Variants in RANGAP1 observed in about 807,000 individuals in gnomAD.
RANGAP1 encodes the protein ran GTPase-activating protein 1.
In RANGAP1, 38 loss-of-function variants were observed where a neutral mutation model predicts 63.5. The ratio of observed to expected loss-of-function variants is 0.60; its 90% CI spans 0.46 to 0.78. The LOEUF (loss-of-function observed/expected upper bound fraction) is 0.78. Among genes scored for constraint, RANGAP1 ranks in the 30% least tolerant of loss-of-function variants. The pLI is 0.00. For synonymous variants in RANGAP1, 329 were observed against 310.5 expected (o/e 1.06, Z -0.63); for missense variants, 630 against 740.3 (o/e 0.85, Z 1.73).
At chr22:41,255,905 G>T in intron 10 of RANGAP1, 116 bp downstream of exon 10, 5 of 1,057,110 alleles carry the variant, frequency 4.7e-6, no homozygotes, top group Non-Finnish European at 6.9e-6. Context: ...AGTGAGCCGA[G>T]ATCACGCCAC....
In RANGAP1 at chr22:41,264,804, G is replaced by C; in HGVS notation, c.340C>G (p.Leu114Val). 1 of 1,613,452 alleles carries C rather than the reference G, an allele frequency of 6.2e-7. No individual in the cohort carries two copies. Among genetic ancestry groups the C allele is most frequent in the Non-Finnish European group, 8.5e-7 (1 of 1,179,386 alleles). ...GEGLITAGAQ[L>V]VELDLSDNAF... is the part of the protein sequence containing the mutation. ...TTGTCGCTTAAGTCCAGCTCCACCA[G>C]CTGAGCCCCAGCTGTGATGAGTCCT... Residue 114 changes from leucine (L) to valine (V), a missense_variant, in exon 5 of 16, where the codon CTG (leucine) becomes GTG (valine). Coordinates refer to ENST00000356244, the MANE Select transcript of RANGAP1 (RefSeq NM_002883.4).
At chr22:41,256,317 C>T in intron 8 of RANGAP1, 27 bp from the exon 9 acceptor site, 1 of 1,607,120 alleles carries the variant, frequency 6.2e-7, no homozygotes, top group South Asian at 1.1e-5. Context: ...GGGTTGGAGG[C>T]AGGCAGAAAC....
At chr22:41,258,281 G>C (rs888025989) in intron 6 of RANGAP1, among the ~76,000 whole-genome samples, 175 bp from the exon 7 acceptor site, 5 of 152,266 alleles carry the variant, frequency 3.3e-5, no homozygotes, top group Non-Finnish European at 7.3e-5. Context: ...AACCTCCTGA[G>C]GGAGGCCTAC....
intron 6 of RANGAP1, among the ~76,000 whole-genome samples, chr22:41,260,177 C>T (rs904347823): frequency 2.0e-5 from 3 of 152,150 alleles, no homozygotes; most frequent in Non-Finnish European, 4.4e-5. Context: ...TTTTCCTCAT[C>T]CATGTTCACA....
chr22:41,263,959 G>A (rs909489167), intron 5 of RANGAP1, among the ~76,000 whole-genome samples: 4 of 152,272 alleles, frequency 2.6e-5, no homozygotes, highest in African/African-American at 4.8e-5. Context: ...ACCTTTCAGT[G>A]TGGGTGGGAA....
intron 15 of RANGAP1, among the ~76,000 whole-genome samples, chr22:41,248,638 A>C (rs1341361520): frequency 2.0e-5 from 3 of 152,220 alleles, no homozygotes; most frequent in African/African-American, 7.2e-5. Flanking sequence ...CCGGTTGGAC[A>C]AATGGGGAGA....
the RANGAP1 span, among the ~76,000 whole-genome samples, chr22:41,294,881 G>T: frequency 7.7e-4 from 13 of 16,778 alleles, no homozygotes; most frequent in African/African-American, 3.7e-3. Context: ...GGAGGGAGGT[G>T]GGGGGGTGAG....
At chr22:41,283,669 T>C (rs575851447) in intron 1 of RANGAP1, among the ~76,000 whole-genome samples, 2 of 152,170 alleles carry the variant, frequency 1.3e-5, no homozygotes, top group African/African-American at 4.8e-5. Context: ...ATGGCTCTTG[T>C]AGGGGCAGAG....
intron 13 of RANGAP1, 53 bp from the exon 14 acceptor site, chr22:41,249,870 C>G (rs2033319471): frequency 6.6e-7 from 1 of 1,523,040 alleles, no homozygotes; most frequent in Non-Finnish European, 9.1e-7. Context: ...GAGGGCTGGG[C>G]CAAGGCACCC....
upstream of RANGAP1, among the ~76,000 whole-genome samples, chr22:41,287,398 A>G (rs1199602840): frequency 2.9e-5 from 4 of 139,476 alleles, no homozygotes; most frequent in Non-Finnish European, 6.1e-5. Flanking sequence ...TTTTTTTGAG[A>G]TGGAGTTTCA....
chr22:41,269,776 A>C lies in RANGAP1; in HGVS notation c.241-1620T>G, dbSNP rs12159299. Among the ~76,000 whole-genome samples, 323 of 151,498 alleles carry C rather than the reference A, an allele frequency of 2.1e-3. 1 individual carries two copies. The highest frequency in any genetic ancestry group is 0.017 in the Middle Eastern group (5 of 286). ...AAAAAAGCTGGAAGAGAAAAATTTGAATGTTCCTAGCATAAAGATAAATAT... is the reference window on the plus strand; with the variant it reads ...AAAAAAGCTGGAAGAGAAAAATTTGCATGTTCCTAGCATAAAGATAAATAT... On this transcript the variant is annotated intron_variant, in intron 3 of 15. Transcript: ENST00000356244.
intron 4 of RANGAP1, among the ~76,000 whole-genome samples, chr22:41,266,334 T>A (rs1182113048): frequency 6.6e-6 from 1 of 152,106 alleles, no homozygotes; most frequent in African/African-American, 2.4e-5. Context: ...TAAGATTTAT[T>A]CTCACGATTG....
intron 1 of RANGAP1, 177 bp downstream of exon 1, chr22:41,285,809 G>T: frequency 2.7e-6 from 2 of 729,452 alleles, no homozygotes; most frequent in Non-Finnish European, 3.4e-6. Flanking sequence ...TGTGAAAGGA[G>T]CCAGCGCCGC....
chr22:41,293,692 T>C, the RANGAP1 span, among the ~76,000 whole-genome samples: 5 of 135,920 alleles, frequency 3.7e-5, no homozygotes, highest in Non-Finnish European at 7.5e-5. Context: ...GGCAGGAGAA[T>C]GGCGAGAACC....
At chr22:41,288,563 G>T (rs1031011441), upstream of RANGAP1, among the ~76,000 whole-genome samples, 4 of 152,130 alleles carry the variant, frequency 2.6e-5, no homozygotes, top group Non-Finnish European at 5.9e-5. Context: ...GGGGTGATCC[G>T]CAGGCTCCCT....
At chr22:41,259,045 C>T (rs1453490757) in intron 6 of RANGAP1, among the ~76,000 whole-genome samples, 1 of 151,974 alleles carries the variant, frequency 6.6e-6, no homozygotes, top group Non-Finnish European at 1.5e-5. Context: ...CTGGATTCCC[C>T]CAGCCACGAT....
At position 41,266,201 on chromosome 22, in the gene RANGAP1, CAA is replaced by C. The variant is rs35457855; in HGVS notation, c.301-1360_301-1359del. Among the ~76,000 whole-genome samples, 170 of 117,904 alleles carry C rather than the reference CAA, an allele frequency of 1.4e-3. No individual in the cohort carries two copies. The Middle Eastern group carries it at 0.017, about 12-fold the overall frequency. 77.3% of individuals were successfully genotyped at this position (117,904 alleles called of 152,430 possible). On this transcript the variant is annotated intron_variant, in intron 4 of 15. Transcript: ENST00000356244. ...TGGGAAACAGAGTGAGACTCCGCCTCAAAAAAAAAAAAAAAGCCTAGCCCCTG... is the reference window on the plus strand; with the variant it reads ...TGGGAAACAGAGTGAGACTCCGCCTCAAAAAAAAAAAAAGCCTAGCCCCTG...
At chr22:41,298,630 G>C in the RANGAP1 span, among the ~76,000 whole-genome samples, 1 of 151,874 alleles carries the variant, frequency 6.6e-6, no homozygotes, top group South Asian at 2.1e-4. Context: ...CTCCCAAAGT[G>C]CTGGGATTAC....
chr22:41,259,341 C>CTCCAGGT (rs1279973990), intron 6 of RANGAP1, among the ~76,000 whole-genome samples: 1 of 152,204 alleles, frequency 6.6e-6, no homozygotes, highest in Non-Finnish European at 1.5e-5. Flanking sequence ...CCTGGGCACA[C>CTCCAGGT]TCCAGGTCAG....
Sources: gnomAD v4.1 joint callset for allele counts (sites outside exome capture counted in the v4.1 genomes callset) on GRCh38, gnomAD v4.1.1 for gene constraint, MANE v1.5 for transcripts, NCBI Gene and HGNC (gene_info 2026-07-23, HGNC 2026-07-21) for gene names.